Variants in EYS observed in about 807,000 individuals in gnomAD.
EYS encodes the protein EGF-like photoreceptor maintenance factor.
A neutral mutation model predicts 282.1 loss-of-function variants in EYS; 250 were observed. The ratio of observed to expected loss-of-function variants is 0.89; its 90% CI spans 0.80 to 0.98. The LOEUF (loss-of-function observed/expected upper bound fraction) is 0.98. Ranked by LOEUF, EYS falls within the 50% of genes least tolerant of loss-of-function variation. The pLI, the probability that EYS is intolerant of heterozygous loss-of-function variation, is 0.00. For synonymous variants in EYS, 1,355 were observed against 1,282.9 expected (o/e 1.06, Z -1.20); for missense variants, 4,016 against 3,709.0 (o/e 1.08, Z -2.15).
intron 36 of EYS, 85 bp from the exon 37 acceptor site, chr6:63,806,457 G>T: frequency 2.6e-6 from 3 of 1,164,666 alleles, no homozygotes; most frequent in Non-Finnish European, 2.4e-6. Flanking sequence ...GATGCATCTG[G>T]CCAGATAGTC....
chr6:64,084,419 ATAAAG>A (rs964048560), intron 31 of EYS, among the ~76,000 whole-genome samples: 2 of 152,236 alleles, frequency 1.3e-5, no homozygotes, highest in South Asian at 2.1e-4. Flanking sequence ...CTGCTTTGTA[ATAAAG>A]TAAAGGGTGG....
chr6:64,125,677 T>A (rs1456823237), intron 31 of EYS, among the ~76,000 whole-genome samples: 1 of 149,930 alleles, frequency 6.7e-6, no homozygotes, highest in Non-Finnish European at 1.5e-5. Flanking sequence ...TCCCAGCTAC[T>A]CAGGAGAGTG....
Position 64,023,894 on chromosome 6 carries a change from C to T in EYS, c.6726-24711G>A, listed in dbSNP as rs569558018. Among the ~76,000 whole-genome samples, 7 of 152,348 alleles carry T rather than the reference C, an allele frequency of 4.6e-5. No homozygotes were observed. In the South Asian group the frequency reaches 1.4e-3, roughly 32 times the overall value. On this transcript the variant is annotated intron_variant, in intron 33 of 42. Transcript: ENST00000503581. ...GTAGTGGCCGGCCGGCCCCGCCAGC[C>T]CAGGGCACCGAGGGGCTTAGCACCT...
intron 14 of EYS, among the ~76,000 whole-genome samples, chr6:64,969,537 TA>T (rs1770216938): frequency 6.6e-6 from 1 of 152,044 alleles, no homozygotes; most frequent in African/African-American, 2.4e-5. Flanking sequence ...CACAGATCTG[TA>T]AAAAATGAGG....
chr6:64,802,082 G>A (rs2150008774), intron 22 of EYS, among the ~76,000 whole-genome samples: 1 of 122,894 alleles, frequency 8.1e-6, no homozygotes, highest in South Asian at 2.5e-4. Flanking sequence ...CGCCCAGCCT[G>A]GAGTGCAGTA....
At chr6:65,089,727 G>C (rs137996739) in intron 12 of EYS, among the ~76,000 whole-genome samples, 50 of 152,036 alleles carry the variant, frequency 3.3e-4, no homozygotes, top group African/African-American at 1.2e-3. Context: ...GCCAAGGCGG[G>C]AGAATCACTT....
intron 11 of EYS, among the ~76,000 whole-genome samples, chr6:65,317,775 TC>T (rs1562092699): frequency 1.1e-4 from 9 of 82,778 alleles, no homozygotes; most frequent in South Asian, 3.1e-4. Context: ...GGCTACATTT[TC>T]TCTTCCTTCC....
intron 12 of EYS, among the ~76,000 whole-genome samples, chr6:65,082,575 T>C (rs1432286949): frequency 6.6e-6 from 1 of 151,986 alleles, no homozygotes; most frequent in African/African-American, 2.4e-5. Context: ...TATGTCCAAA[T>C]GGGAAATTAA....
intron 27 of EYS, 88 bp from the exon 28 acceptor site, chr6:64,436,353 T>C: frequency 1.4e-6 from 1 of 691,488 alleles, no homozygotes; most frequent in Non-Finnish European, 2.5e-6. Context: ...TATTTATCAA[T>C]ATATTTTACA....
intron 1 of EYS, among the ~76,000 whole-genome samples, chr6:65,640,802 A>C (rs773354142): frequency 2.6e-5 from 4 of 151,294 alleles, no homozygotes; most frequent in Non-Finnish European, 5.9e-5. Flanking sequence ...ATTTATTTTT[A>C]TTTCTTTTTT....
At chr6:63,965,178 T>C (rs1766246283) in intron 35 of EYS, among the ~76,000 whole-genome samples, 1 of 152,192 alleles carries the variant, frequency 6.6e-6, no homozygotes, top group Non-Finnish European at 1.5e-5. Context: ...TTTTTGTATT[T>C]ATCCTTTATA....
intron 2 of EYS, among the ~76,000 whole-genome samples, chr6:65,574,579 A>G (rs1764592991): frequency 6.6e-6 from 1 of 152,218 alleles, no homozygotes; most frequent in African/African-American, 2.4e-5. Flanking sequence ...TCAAGATGTA[A>G]TGATTGTAAA....
chr6:65,577,878 A>G (rs1764731181), intron 2 of EYS, among the ~76,000 whole-genome samples: 1 of 151,904 alleles, frequency 6.6e-6, no homozygotes, highest in African/African-American at 2.4e-5. Context: ...TCAATCCACA[A>G]TGAGATCTCA....
At chr6:64,828,628 C>T (rs911591585) in intron 19 of EYS, among the ~76,000 whole-genome samples, 4 of 152,044 alleles carry the variant, frequency 2.6e-5, no homozygotes, top group South Asian at 4.1e-4. Flanking sequence ...AACACCTGAC[C>T]ATGGGACATC....
intron 33 of EYS, among the ~76,000 whole-genome samples, chr6:64,047,998 C>A (rs9353467): frequency 0.21 from 32,235 of 152,042 alleles, 3,670 homozygotes; most frequent in Middle Eastern, 0.34. Flanking sequence ...CTCTGCCTCC[C>A]AGGTTCAAGT....
chr6:63,756,767 A>C lies in EYS; in HGVS notation c.8071+5694T>G, dbSNP rs1414808700. 1.8e-4 allele frequency among the ~76,000 whole-genome samples: 28 copies of C among 152,126 alleles called. 1 individual carries two copies. The stretch of plus-strand genomic sequence containing the variant: ...GGACATCTATCAGTTCCCCAAATTA[A>C]TATTTTTATAATTTCTTGCACTTGT... On this transcript the variant is annotated intron_variant, in intron 41 of 42. Coordinates refer to ENST00000503581, the MANE Select transcript of EYS (RefSeq NM_001142800.2).
At chr6:65,031,341 G>A (rs1183559202) in intron 13 of EYS, among the ~76,000 whole-genome samples, 2 of 151,738 alleles carry the variant, frequency 1.3e-5, no homozygotes, top group East Asian at 1.9e-4. Flanking sequence ...AAACTAATAA[G>A]GATGTTTGGG....
At chr6:64,255,074 G>T (rs1767345554) in intron 30 of EYS, among the ~76,000 whole-genome samples, 1 of 152,026 alleles carries the variant, frequency 6.6e-6, no homozygotes, top group South Asian at 2.1e-4. Flanking sequence ...AATTGCTATA[G>T]AAAGATGGAA....
At chr6:64,297,528 G>A (rs910260031) in intron 30 of EYS, among the ~76,000 whole-genome samples, 6 of 152,036 alleles carry the variant, frequency 3.9e-5, no homozygotes, top group Admixed American at 6.6e-5. Context: ...AGCAGCAAAA[G>A]AAAATGACTT....
Sources: allele counts gnomAD v4.1 joint callset (sites outside exome capture counted in the v4.1 genomes callset), GRCh38; gene constraint gnomAD v4.1.1; transcripts MANE v1.5; gene names NCBI Gene and HGNC (gene_info 2026-07-23, HGNC 2026-07-21).